The following IFNG variants were observed in gnomAD, a reference collection of about 807,000 sequenced individuals.
IFNG encodes interferon gamma.
IFNG carries 8 observed loss-of-function variants against 14.4 expected under a neutral mutation model. The observed-to-expected ratio is 0.56, with a 90% CI of 0.33 to 1.00. IFNG has a LOEUF of 1.00. IFNG is among the 50% of genes least tolerant of loss of function. The pLI is 0.03. For missense variants in IFNG, 132 were observed against 194.9 expected, an observed-to-expected ratio of 0.68 and a Z score of 1.92; for synonymous variants, 73 against 65.4, an observed-to-expected ratio of 1.12 and a Z score of -0.56.
rs1482670342 is a variant in IFNG, at chr12:68,155,097, C to T, written c.*256G>A. ...TGCTTAGGTTGGCTGCCTAGTTGGC[C>T]CCTGAGATAAAGCCTTGTAATCACA... is the stretch of plus-strand genomic sequence containing the variant. On this transcript the variant is annotated 3_prime_UTR_variant, in exon 4 of 4. Coordinates refer to ENST00000229135, the MANE Select transcript of IFNG (RefSeq NM_000619.3). 9 of 235,542 alleles carry T rather than the reference C, an allele frequency of 3.8e-5. No homozygotes were observed. The highest frequency in any genetic ancestry group is 4.8e-5 in the Non-Finnish European group (6 of 123,842). The allele number at this position is 235,542 out of a possible 1,614,324, so 14.6% of individuals were successfully genotyped here.
In IFNG at chr12:68,155,116, A is replaced by G; in HGVS notation, c.*237T>C. 3.7e-6 allele frequency: 1 copy of G among 272,952 alleles called. No individual in the cohort carries two copies. Among genetic ancestry groups the G allele is most frequent in the Non-Finnish European group, 6.7e-6 (1 of 148,674 alleles). The allele number at this position is 272,952 out of a possible 1,614,324, so 16.9% of individuals were successfully genotyped here. On this transcript the variant is annotated 3_prime_UTR_variant, in exon 4 of 4. Coordinates refer to ENST00000229135, the MANE Select transcript of IFNG (RefSeq NM_000619.3). Reference sequence around the variant, plus strand: ...GTTGGCCCCTGAGATAAAGCCTTGTAATCACATAGCCTTGCCTAATTAGTC... The same window carrying G: ...GTTGGCCCCTGAGATAAAGCCTTGTGATCACATAGCCTTGCCTAATTAGTC...
intron 3 of IFNG, among the ~76,000 whole-genome samples, chr12:68,156,149 C>T (rs1016411720): frequency 7.2e-5 from 11 of 152,284 alleles, no homozygotes; most frequent in South Asian, 4.1e-4. Flanking sequence ...AAATCCAAAA[C>T]GAGTGAAAAC....
chr12:68,157,914 G>T lies in IFNG; in HGVS notation c.365C>A (p.Ser122Ter). The T allele has an allele frequency of 1.3e-6, 2 of 1,588,916 alleles. No homozygotes were observed. The highest frequency in any genetic ancestry group is 1.7e-6 in the Non-Finnish European group (2 of 1,165,810). The change falls in exon 3 of 4, where the codon TCG becomes TAG. Residue 122 changes from serine to a stop codon, truncating the protein, a stop_gained and splice_region_variant. Transcript: ENST00000229135. LOFTEE classifies it low-confidence loss of function (END_TRUNC). Reference sequence around the variant, plus strand: ...AAGAAAGAATTTAAATAGCCTCACCGAATAATTAGTCAGCTTTTCGAAGTC... The same window carrying T: ...AAGAAAGAATTTAAATAGCCTCACCTAATAATTAGTCAGCTTTTCGAAGTC... ...RDDFEKLTNY[S>*]VTDLNVQRKA...
chr12:68,156,705 A>G (rs1184330803), intron 3 of IFNG, among the ~76,000 whole-genome samples: 1 of 152,118 alleles, frequency 6.6e-6, no homozygotes, highest in Non-Finnish European at 1.5e-5. Context: ...TTTGCAAGTG[A>G]CAGATTTTAC....
At chr12:68,156,781 G>T (rs1244615651) in intron 3 of IFNG, among the ~76,000 whole-genome samples, 1 of 151,936 alleles carries the variant, frequency 6.6e-6, no homozygotes, top group East Asian at 1.9e-4. Flanking sequence ...GTAAGCCAGG[G>T]GCACCACTGG....
intron 1 of IFNG, 150 bp downstream of exon 1, chr12:68,159,352 A>G: frequency 1.8e-6 from 1 of 552,596 alleles, no homozygotes; most frequent in Non-Finnish European, 3.3e-6. Context: ...TTATTTAGTC[A>G]AGGAACTCAT....
chr12:68,157,946 T>C lies in IFNG; in HGVS notation c.333A>G (p.Lys111=). The C allele has an allele frequency of 6.2e-7, 1 of 1,604,512 alleles. No homozygotes were observed. Among genetic ancestry groups the C allele is most frequent in the Non-Finnish European group, 8.5e-7 (1 of 1,175,004 alleles). Residue 111 remains lysine (K), a synonymous_variant, in exon 3 of 4, where the codon AAA becomes AAG. Coordinates refer to ENST00000229135, the MANE Select transcript of IFNG (RefSeq NM_000619.3). The part of the protein sequence containing the change: ...NVKFFNSNKK[K]RDDFEKLTNY... ...TAGTCAGCTTTTCGAAGTCATCTCG[T>C]TTCTTTTTGTTGCTATTGAAAAACT...
In IFNG at chr12:68,155,210, TATTC is replaced by T. The variant is rs1882582094; in HGVS notation, c.*139_*142del. ...TATAAATAATACATATATTAATAGA[TATTC>T]ATTTTCATTACACAAAAGTTGCTAT... On this transcript the variant is annotated 3_prime_UTR_variant, in exon 4 of 4. Transcript: ENST00000229135. 1 of 493,774 alleles carries T rather than the reference TATTC, an allele frequency of 2.0e-6. No homozygotes were observed. The highest frequency in any genetic ancestry group is 3.7e-5 in the Admixed American group (1 of 26,728). 30.6% of individuals were successfully genotyped at this position (493,774 alleles called of 1,614,324 possible).
rs746522946 is a variant in IFNG at position 68,158,185 on chromosome 12, G to A, written c.183+6C>T. 4 of 1,607,694 alleles carry A rather than the reference G, an allele frequency of 2.5e-6. No homozygotes were observed. Among genetic ancestry groups the A allele is most frequent in the Admixed American group, 1.7e-5 (1 of 59,404 alleles). On this transcript the variant is annotated splice_donor_region_variant and intron_variant, in intron 2 of 3. Transcript: ENST00000229135. Reference sequence around the variant, plus strand: ...AAAATTAGCCAAATGGGAATATTCAGCTTACCTCTTTCCAATTCTTCAAAA... The same window carrying A: ...AAAATTAGCCAAATGGGAATATTCAACTTACCTCTTTCCAATTCTTCAAAA...
chr12:68,159,438 T>C, intron 1 of IFNG, 64 bp downstream of exon 1: 1 of 763,852 alleles, frequency 1.3e-6, no homozygotes, highest in African/African-American at 1.7e-5. Context: ...TCAGAGATGC[T>C]ACAGCAAGTC....
intron 1 of IFNG, among the ~76,000 whole-genome samples, chr12:68,159,071 T>A (rs1348829212): frequency 2.0e-5 from 3 of 152,184 alleles, no homozygotes; most frequent in Non-Finnish European, 4.4e-5. Context: ...AAGCCAAAGC[T>A]TTAAGGACCT....
Position 68,155,281 on chromosome 12 carries a change from C to A in IFNG, c.*72G>T. 2.8e-6 allele frequency: 3 copies of A among 1,064,288 alleles called. No homozygotes were observed. The highest frequency in any genetic ancestry group is 2.2e-5 in the South Asian group (1 of 44,856). The allele number at this position is 1,064,288 out of a possible 1,614,324, so 65.9% of individuals were successfully genotyped here. ...ATTGATGAGTCTAAAAATATATTCC[C>A]CATATAAATAATGTTAAATATTAAT... On this transcript the variant is annotated 3_prime_UTR_variant, in exon 4 of 4. Coordinates refer to ENST00000229135, the MANE Select transcript of IFNG (RefSeq NM_000619.3).
At chr12:68,157,703 G>A (rs1882621717) in intron 3 of IFNG, among the ~76,000 whole-genome samples, 1 of 152,196 alleles carries the variant, frequency 6.6e-6, no homozygotes, top group Non-Finnish European at 1.5e-5. Flanking sequence ...TACAATGCCA[G>A]CATTTCTCTA....
intron 3 of IFNG, among the ~76,000 whole-genome samples, chr12:68,157,035 T>C (rs2069716): frequency 0.037 from 5,684 of 152,256 alleles, 152 homozygotes; most frequent in Middle Eastern, 0.13. Flanking sequence ...AGAAAACATT[T>C]TGAAAAACAT....
At position 68,159,600 on chromosome 12, in the gene IFNG, A is replaced by G. The variant is rs775727674; in HGVS notation, c.16T>C (p.Tyr6His). Reference protein sequence around the residue: MKYTSYILAFQLCIVL... With the variant: MKYTSHILAFQLCIVL... ...ATGCAGAGCTGAAAAGCCAAGATAT[A>G]ACTTGTATATTTCATCGTTTCCGAG... Residue 6 changes from tyrosine (Y) to histidine (H), a missense_variant, in exon 1 of 4, where the codon TAT becomes CAT. Tyr to His is a moderately conservative substitution (Grantham distance 83, BLOSUM62 2). Coordinates refer to ENST00000229135, the MANE Select transcript of IFNG (RefSeq NM_000619.3). 6.3e-7 allele frequency: 1 copy of G among 1,590,536 alleles called. No individual in the cohort carries two copies. Among genetic ancestry groups the G allele is most frequent in the South Asian group, 1.1e-5 (1 of 89,716 alleles).
intron 3 of IFNG, 62 bp from the exon 4 acceptor site, chr12:68,155,549 A>C: frequency 6.7e-7 from 1 of 1,484,866 alleles, no homozygotes; most frequent in Non-Finnish European, 9.1e-7. Context: ...ATATTCTGCT[A>C]ATGTCATGAT....
At chr12:68,156,035 G>A (rs1407023582) in intron 3 of IFNG, among the ~76,000 whole-genome samples, 6 of 152,192 alleles carry the variant, frequency 3.9e-5, no homozygotes, top group African/African-American at 7.2e-5. Context: ...GGTGCATGAA[G>A]TGGAAGGACT....
At position 68,159,535 on chromosome 12, in the gene IFNG, A is replaced by T; in HGVS notation, c.81T>A (p.Tyr27Ter). The change falls in exon 1 of 4, where the codon TAT becomes TAA. Residue 27 changes from tyrosine to a stop codon, truncating the protein, a stop_gained. Transcript: ENST00000229135. LOFTEE classifies it high-confidence loss of function. The part of the protein sequence containing the change: ...GSLGCYCQDP[Y>*]VKEAENLKKY... The stretch of plus-strand genomic sequence containing the variant: ...TCTTAAGGTTTTCTGCTTCTTTTAC[A>T]TATGGGTCCTGGCAGTAACAGCCAA... 1 of 1,599,290 alleles carries T rather than the reference A, an allele frequency of 6.3e-7. No individual in the cohort carries two copies. Among genetic ancestry groups the T allele is most frequent in the Non-Finnish European group, 8.6e-7 (1 of 1,169,156 alleles).
Position 68,155,178 on chromosome 12 carries a change from T to A in IFNG, c.*175A>T. ...GATTAAGTGAGACAGTCACAGGATA[T>A]AGGAATTATAAATAATACATATATT... On this transcript the variant is annotated 3_prime_UTR_variant, in exon 4 of 4. Transcript: ENST00000229135. 2.4e-6 allele frequency: 1 copy of A among 412,058 alleles called. No homozygotes were observed. Among genetic ancestry groups the A allele is most frequent in the Non-Finnish European group, 4.2e-6 (1 of 239,290 alleles). The allele number at this position is 412,058 out of a possible 1,614,324, so 25.5% of individuals were successfully genotyped here.
Sources: gnomAD v4.1 joint callset for allele counts (sites outside exome capture counted in the v4.1 genomes callset) on GRCh38, gnomAD v4.1.1 for gene constraint, MANE v1.5 for transcripts, NCBI Gene and HGNC (gene_info 2026-07-23, HGNC 2026-07-21) for gene names.